The following CAPN5 variants were observed in gnomAD, a reference collection of about 807,000 sequenced individuals.
CAPN5 encodes the protein calpain 5, also known as calpain-5.
In CAPN5, 54 loss-of-function variants were observed where a neutral mutation model predicts 73.0. The ratio of observed to expected loss-of-function variants is 0.74; its 90% confidence interval spans 0.59 to 0.93. CAPN5 has a LOEUF of 0.93. CAPN5 is among the 40% of genes least tolerant of loss of function. The pLI is 0.00. For missense variants in CAPN5, 785 were observed against 882.9 expected (o/e 0.89, Z 1.41); for synonymous variants, 335 against 356.9 (o/e 0.94, Z 0.69).
rs1446332886 is a variant in CAPN5, at chr11:77,084,858, C to T, written c.-29C>T. The T allele has an allele frequency of 3.1e-6, 5 of 1,613,540 alleles. No individual in the cohort carries two copies. Among genetic ancestry groups the T allele is most frequent in the Non-Finnish European group, 4.2e-6 (5 of 1,179,826 alleles). ...TTCTTGCCTTCCTGTCCAGGTGTTC[C>T]CCCTCCCCTCCCTGGGGCAGCAGCC... On this transcript the variant is annotated 5_prime_UTR_variant, in exon 2 of 13. Coordinates refer to ENST00000648180, the MANE Select transcript of CAPN5 (RefSeq NM_004055.5).
intron 2 of CAPN5, among the ~76,000 whole-genome samples, chr11:77,085,980 G>T (rs980722560): frequency 3.3e-5 from 5 of 152,216 alleles, no homozygotes; most frequent in African/African-American, 1.2e-4. Context: ...ATCAGAGGAG[G>T]TGTCTTGGAG....
At chr11:77,090,060 G>A (rs1950133460) in intron 2 of CAPN5, among the ~76,000 whole-genome samples, 2 of 152,158 alleles carry the variant, frequency 1.3e-5, no homozygotes, top group Admixed American at 1.3e-4. Flanking sequence ...CATCTCACAG[G>A]GTTGTTTTGC....
At chr11:77,091,890 C>G (rs1950152059) in intron 2 of CAPN5, among the ~76,000 whole-genome samples, 1 of 152,200 alleles carries the variant, frequency 6.6e-6, no homozygotes, top group East Asian at 1.9e-4. Context: ...AGGCCCTGGG[C>G]TTGATACTTT....
chr11:77,111,637 G>A (rs139923499), intron 3 of CAPN5, among the ~76,000 whole-genome samples: 112 of 152,220 alleles, frequency 7.4e-4, no homozygotes, highest in Admixed American at 2.2e-3. Context: ...ATACTCTCTG[G>A]GTCAGGCCCT....
At chr11:77,118,948 T>G in intron 8 of CAPN5, 82 bp from the exon 9 acceptor site, 1 of 1,488,064 alleles carries the variant, frequency 6.7e-7, no homozygotes, top group Non-Finnish European at 9.1e-7. Flanking sequence ...GGCTCTGGAG[T>G]CTGAGCTTCC....
chr11:77,099,023 G>A (rs1950251165), intron 3 of CAPN5, among the ~76,000 whole-genome samples: 1 of 19,132 alleles, frequency 5.2e-5, no homozygotes, highest in Non-Finnish European at 8.9e-5. Flanking sequence ...CGGGGCGGCC[G>A]GGCAGAGACG....
chr11:77,088,335 A>G (rs1443721990), intron 2 of CAPN5, among the ~76,000 whole-genome samples: 1 of 152,080 alleles, frequency 6.6e-6, no homozygotes, highest in Non-Finnish European at 1.5e-5. Flanking sequence ...CCCTGAACAT[A>G]AGGCCTTTTC....
At chr11:77,120,276 A>G (rs1311431932) in intron 9 of CAPN5, 2 of 153,966 alleles carry the variant, frequency 1.3e-5, no homozygotes, top group Non-Finnish European at 2.9e-5. Context: ...TTGAACGTCC[A>G]GCTTCAAGTG....
intron 7 of CAPN5, 109 bp downstream of exon 7, chr11:77,116,412 C>G (rs935109291): frequency 8.9e-6 from 7 of 790,542 alleles, no homozygotes; most frequent in African/African-American, 1.7e-5. Context: ...CATGCCCCAT[C>G]ATCAATTTGC....
At chr11:77,116,173 TG>T (rs1365475216) in intron 6 of CAPN5, 52 bp from the exon 7 acceptor site, 11 of 1,519,816 alleles carry the variant, frequency 7.2e-6, no homozygotes, top group Admixed American at 5.7e-5. Flanking sequence ...CAGATTCTGG[TG>T]GGGCTGCCTC....
At chr11:77,094,054 TCCC>T (rs1178788096) in intron 3 of CAPN5, among the ~76,000 whole-genome samples, 1 of 152,108 alleles carries the variant, frequency 6.6e-6, no homozygotes, top group Non-Finnish European at 1.5e-5. Flanking sequence ...TTCTGATGTG[TCCC>T]CCCCAACACT....
chr11:77,088,149 C>A, intron 2 of CAPN5: 21 of 1,284,344 alleles, frequency 1.6e-5, no homozygotes, highest in South Asian at 3.0e-5. Context: ...CCTGGAGGTC[C>A]TTTGGTGGAA....
At position 77,112,586 on chromosome 11, in the gene CAPN5, C is replaced by T. The variant is rs1950422571; in HGVS notation, c.298-3C>T. On this transcript the variant is annotated splice_region_variant and splice_polypyrimidine_tract_variant and intron_variant, in intron 3 of 12. Transcript: ENST00000648180. ...CCATCCTATCCCCCCTCCCCCTACC[C>T]AGGTCATCCCAGACTGGAAGGAGCA... is the stretch of plus-strand genomic sequence containing the variant. 6.2e-7 allele frequency: 1 copy of T among 1,613,364 alleles called. No individual in the cohort carries two copies. Among genetic ancestry groups the T allele is most frequent in the East Asian group, 2.2e-5 (1 of 44,872 alleles).
Position 77,085,201 on chromosome 11 carries a change from C to CGGATGGGGAGCTTGGA in CAPN5, c.165+152_165+167dup, listed in dbSNP as rs1221119140. ...GGTGCTGAAACGGTGGGATTTGATCCGGATGGGGAGCTTGGAGAATGGGCT... is the reference window on the plus strand; with the variant it reads ...GGTGCTGAAACGGTGGGATTTGATCCGGATGGGGAGCTTGGAGGATGGGGAGCTTGGAGAATGGGCT... On this transcript the variant is annotated intron_variant, in intron 2 of 12. Coordinates refer to ENST00000648180, the MANE Select transcript of CAPN5 (RefSeq NM_004055.5). The CGGATGGGGAGCTTGGA allele has an allele frequency of 7.2e-6, 5 of 693,884 alleles. No homozygotes were observed. In the African/African-American group the frequency reaches 8.9e-5, roughly 12 times the overall value. The allele number at this position is 693,884 out of a possible 1,614,324, so 43.0% of individuals were successfully genotyped here.
At chr11:77,090,051 A>G (rs547027145) in intron 2 of CAPN5, among the ~76,000 whole-genome samples, 8 of 152,210 alleles carry the variant, frequency 5.3e-5, no homozygotes, top group Non-Finnish European at 8.8e-5. Context: ...AACAGTGCCC[A>G]TCTCACAGGG....
intron 3 of CAPN5, among the ~76,000 whole-genome samples, chr11:77,098,849 C>T (rs1220251724): frequency 8.9e-4 from 124 of 139,434 alleles, no homozygotes; most frequent in African/African-American, 3.2e-3. Context: ...ACCTCCCTCC[C>T]GGACGGGGTG....
At chr11:77,094,000 C>T (rs1305928105) in intron 3 of CAPN5, among the ~76,000 whole-genome samples, 187 bp downstream of exon 3, 1 of 152,254 alleles carries the variant, frequency 6.6e-6, no homozygotes, top group Non-Finnish European at 1.5e-5. Flanking sequence ...CAGCTGGGCA[C>T]CCCCAGGGGC....
At position 77,123,862 on chromosome 11, in the gene CAPN5, G is replaced by A; in HGVS notation, c.1915G>A (p.Ala639Thr). ...VHILSSTSLM[A>T]V The stretch of plus-strand genomic sequence containing the variant: ...CATTCTCAGCAGCACCTCCCTCATG[G>A]CTGTCTGACACCTGCCCACCTACCT... The change falls in exon 13 of 13, where the codon GCT becomes ACT. Residue 639 changes from alanine to threonine, a missense_variant. Physicochemically the swap from Ala to Thr is moderately conservative, Grantham distance 58. Transcript: ENST00000648180. 3 of 1,612,858 alleles carry A rather than the reference G, an allele frequency of 1.9e-6. No individual in the cohort carries two copies. The highest frequency in any genetic ancestry group is 2.5e-6 in the Non-Finnish European group (3 of 1,179,690).
chr11:77,072,091 A>G (rs1555033173), intron 1 of CAPN5, among the ~76,000 whole-genome samples: 1 of 151,780 alleles, frequency 6.6e-6, no homozygotes, highest in Non-Finnish European at 1.5e-5. Context: ...ACCCCATCTC[A>G]TGCCTGAGTT....
Sources: allele counts gnomAD v4.1 joint callset (sites outside exome capture counted in the v4.1 genomes callset), GRCh38; gene constraint gnomAD v4.1.1; transcripts MANE v1.5; gene names NCBI Gene and HGNC (gene_info 2026-07-23, HGNC 2026-07-21).